The following EPB41 variants were observed in gnomAD, a reference collection of about 807,000 sequenced individuals.
The protein encoded by EPB41 is protein 4.1.
In EPB41, 65 loss-of-function variants were observed where a neutral mutation model predicts 108.0. The ratio of observed to expected loss-of-function variants is 0.60; its 90% CI spans 0.49 to 0.74. The LOEUF (loss-of-function observed/expected upper bound fraction) is 0.74, where lower values mean the gene tolerates loss of function less well. EPB41 is among the 30% of genes least tolerant of loss of function. The pLI, the probability that EPB41 is intolerant of heterozygous loss-of-function variation, is 0.00. For missense variants in EPB41, 875 were observed against 1,037.0 expected, an observed-to-expected ratio of 0.84 and a Z score of 2.15; for synonymous variants, 336 against 358.9, an observed-to-expected ratio of 0.94 and a Z score of 0.72.
intron 16 of EPB41, among the ~76,000 whole-genome samples, chr1:29,081,634 G>A (rs1656668469): frequency 6.6e-6 from 1 of 152,122 alleles, no homozygotes; most frequent in African/African-American, 2.4e-5. Context: ...TCGGGAGTTT[G>A]AGACCAGTCT....
rs537037014 is a variant in EPB41 at position 29,053,119 on chromosome 1, C to T, written c.1652C>T (p.Ser551Leu). The T allele has an allele frequency of 6.8e-6, 11 of 1,614,026 alleles. No homozygotes were observed. The highest frequency in any genetic ancestry group is 2.7e-5 in the African/African-American group (2 of 75,044). ...RSLDGAAAVD[S>L]ADRSPRPTSA... ...TCTCACATAGCAGCAGCTGTCGATT[C>T]GGCAGACCGAAGTCCTCGGCCCACT... Residue 551 changes from serine (S) to leucine (L), a missense_variant, in exon 12 of 21, where the codon TCG (serine) becomes TTG (leucine). Transcript: ENST00000343067.
chr1:29,009,378 CTT>C (rs781045628), intron 4 of EPB41, among the ~76,000 whole-genome samples: 18 of 152,104 alleles, frequency 1.2e-4, no homozygotes, highest in Non-Finnish European at 2.6e-4. Context: ...ACCCTGGAGT[CTT>C]TATATGATTG....
intron 17 of EPB41, among the ~76,000 whole-genome samples, chr1:29,100,881 G>A (rs1221024714): frequency 1.3e-5 from 2 of 150,624 alleles, no homozygotes; most frequent in Non-Finnish European, 1.5e-5. Flanking sequence ...GTGAGCTAGA[G>A]TCATGCCATT....
chr1:28,922,116 C>T (rs1021031380), intron 1 of EPB41, among the ~76,000 whole-genome samples: 5 of 150,606 alleles, frequency 3.3e-5, no homozygotes, highest in Admixed American at 6.6e-5. Context: ...ATTACAGGCA[C>T]GTGCCACCAC....
chr1:29,021,989 C>G (rs1207949316), intron 7 of EPB41, among the ~76,000 whole-genome samples: 1 of 152,102 alleles, frequency 6.6e-6, no homozygotes, highest in Non-Finnish European at 1.5e-5. Flanking sequence ...TGAGCTAGTA[C>G]TTTTAGGAAA....
At position 29,047,999 on chromosome 1, in the gene EPB41, G is replaced by A. The variant is rs1445394572; in HGVS notation, c.1637-5105G>A. On this transcript the variant is annotated intron_variant, in intron 11 of 20. Transcript: ENST00000343067. ...AGGTTTCACCATGTTGGTCAGGCTG[G>A]TCTCTACCTCCTGACCTCAAGTAAT... is the stretch of plus-strand genomic sequence containing the variant. Among the ~76,000 whole-genome samples the A allele has an allele frequency of 4.0e-5, 6 of 151,662 alleles. No individual in the cohort carries two copies. The East Asian group carries it at 1.2e-3, about 30-fold the overall frequency.
chr1:29,078,658 G>A (rs1430140625), intron 16 of EPB41, among the ~76,000 whole-genome samples: 1 of 152,104 alleles, frequency 6.6e-6, no homozygotes, highest in Non-Finnish European at 1.5e-5. Flanking sequence ...TGAGGTAAGA[G>A]GATCATTTGA....
At chr1:28,926,785 A>G (rs956283418) in intron 1 of EPB41, among the ~76,000 whole-genome samples, 21 of 152,236 alleles carry the variant, frequency 1.4e-4, no homozygotes, top group African/African-American at 5.1e-4. Flanking sequence ...TCTTGCAATG[A>G]GAATAATTTT....
At chr1:29,007,771 A>G (rs1371697982) in intron 4 of EPB41, among the ~76,000 whole-genome samples, 1 of 151,908 alleles carries the variant, frequency 6.6e-6, no homozygotes, top group East Asian at 1.9e-4. Context: ...TTTACTTCTC[A>G]GCTCTTTGTT....
rs138849360 is a variant in EPB41, at chr1:28,961,455, T to C, written c.-7-25976T>C. The stretch of plus-strand genomic sequence containing the variant: ...AGTAGCACACTAAAGCTTAAGATCA[T>C]TGATGTAATGAAAGTAAACCAGGCT... On this transcript the variant is annotated intron_variant, in intron 1 of 20. Transcript: ENST00000343067. Among the ~76,000 whole-genome samples, 7 of 152,270 alleles carry C rather than the reference T, an allele frequency of 4.6e-5. No individual in the cohort carries two copies. In the East Asian group the frequency reaches 1.3e-3, roughly 29 times the overall value.
At chr1:28,967,876 C>G (rs2095401560) in intron 1 of EPB41, among the ~76,000 whole-genome samples, 1 of 148,764 alleles carries the variant, frequency 6.7e-6, no homozygotes, top group South Asian at 2.1e-4. Flanking sequence ...GTGATCTCAG[C>G]TCACTGCAAC....
intron 7 of EPB41, among the ~76,000 whole-genome samples, chr1:29,025,755 T>G (rs2096710512): frequency 6.6e-6 from 1 of 151,638 alleles, no homozygotes; most frequent in Non-Finnish European, 1.5e-5. Context: ...CTGGCAACAT[T>G]AGGTGGGGCA....
At chr1:29,034,931 A>AT (rs1189539521) in intron 9 of EPB41, among the ~76,000 whole-genome samples, 4 of 147,904 alleles carry the variant, frequency 2.7e-5, no homozygotes, top group African/African-American at 1.0e-4. Context: ...CAATTTAGCC[A>AT]TTTCACAATG....
At chr1:28,926,488 A>G (rs548808470) in intron 1 of EPB41, among the ~76,000 whole-genome samples, 31 of 152,352 alleles carry the variant, frequency 2.0e-4, no homozygotes, top group South Asian at 1.4e-3. Flanking sequence ...CTTCAAAGCC[A>G]GTATTTTTTA....
chr1:29,051,849 G>T (rs1292128517), intron 11 of EPB41, among the ~76,000 whole-genome samples: 1 of 150,472 alleles, frequency 6.6e-6, no homozygotes, highest in Non-Finnish European at 1.5e-5. Context: ...AGTGAGCCGA[G>T]ATCATGCCAT....
intron 7 of EPB41, among the ~76,000 whole-genome samples, chr1:29,026,110 A>G (rs528965095): frequency 6.6e-6 from 1 of 152,260 alleles, no homozygotes; most frequent in East Asian, 1.9e-4. Context: ...TGTGCTGAGT[A>G]GCCCAGAATG....
intron 1 of EPB41, among the ~76,000 whole-genome samples, chr1:28,952,870 T>G (rs1282142742): frequency 6.6e-6 from 1 of 152,068 alleles, no homozygotes; most frequent in African/African-American, 2.4e-5. Context: ...CGTGAGAGAT[T>G]AAGCGCTCAC....
At chr1:29,012,030 C>CT in intron 5 of EPB41, 123 bp downstream of exon 5, 1 of 996,268 alleles carries the variant, frequency 1.0e-6, no homozygotes. Flanking sequence ...GCTTTGAAAT[C>CT]GAGATAAAGC....
chr1:29,064,184 T>C (rs1172618214), intron 15 of EPB41, among the ~76,000 whole-genome samples: 1 of 152,210 alleles, frequency 6.6e-6, no homozygotes, highest in Non-Finnish European at 1.5e-5. Context: ...CTCAATCCTT[T>C]GAAGGTTATT....
Sources: gnomAD v4.1 joint callset for allele counts (sites outside exome capture counted in the v4.1 genomes callset) on GRCh38, gnomAD v4.1.1 for gene constraint, MANE v1.5 for transcripts, NCBI Gene and HGNC (gene_info 2026-07-23, HGNC 2026-07-21) for gene names.